Variants in MACROD2 observed in about 807,000 individuals in gnomAD.
The protein encoded by MACROD2 is mono-ADP ribosylhydrolase 2, also known as ADP-ribose glycohydrolase MACROD2.
A neutral mutation model predicts 70.4 loss-of-function variants in MACROD2; 36 were observed. The ratio of observed to expected loss-of-function variants is 0.51; its 90% confidence interval spans 0.39 to 0.68. MACROD2 has a LOEUF of 0.68. Among genes scored for constraint, MACROD2 ranks in the 30% least tolerant of loss-of-function variants. MACROD2 has a pLI of 0.00. For synonymous variants in MACROD2, 172 were observed against 178.8 expected, an observed-to-expected ratio of 0.96 and a Z score of 0.30; for missense variants, 496 against 538.4, an observed-to-expected ratio of 0.92 and a Z score of 0.78.
intron 5 of MACROD2, among the ~76,000 whole-genome samples, chr20:14,888,867 A>G (rs151260836): frequency 8.7e-4 from 133 of 152,292 alleles, no homozygotes; most frequent in Middle Eastern, 3.4e-3. Flanking sequence ...TCTTTCCAGT[A>G]TCATAACATT....
intron 4 of MACROD2, among the ~76,000 whole-genome samples, chr20:14,511,170 G>A (rs2085025317): frequency 6.6e-6 from 1 of 152,104 alleles, no homozygotes; most frequent in African/African-American, 2.4e-5. Flanking sequence ...GGATAGTGAT[G>A]AAGACAAGTG....
intron 3 of MACROD2, among the ~76,000 whole-genome samples, chr20:14,435,004 T>C (rs1336932413): frequency 1.3e-5 from 2 of 152,152 alleles, no homozygotes; most frequent in Non-Finnish European, 1.5e-5. Context: ...ATAACTGTAT[T>C]ACTTTCCTAG....
chr20:14,244,880 G>A, intron 3 of MACROD2, among the ~76,000 whole-genome samples: 1 of 152,190 alleles, frequency 6.6e-6, no homozygotes, highest in East Asian at 1.9e-4. Context: ...AAGTGTTAAT[G>A]TAATATTCTT....
intron 3 of MACROD2, among the ~76,000 whole-genome samples, chr20:14,313,010 G>T (rs2082580373): frequency 6.6e-6 from 1 of 152,140 alleles, no homozygotes; most frequent in Non-Finnish European, 1.5e-5. Flanking sequence ...ACACTTCATT[G>T]TCTACATTTA....
intron 8 of MACROD2, among the ~76,000 whole-genome samples, chr20:15,713,382 A>G (rs2050656620): frequency 6.6e-6 from 1 of 152,214 alleles, no homozygotes; most frequent in Admixed American, 6.5e-5. Flanking sequence ...GATGTAAAGA[A>G]GTAGCTGAGA....
At chr20:14,249,554 A>G (rs1175208753) in intron 3 of MACROD2, among the ~76,000 whole-genome samples, 1 of 152,126 alleles carries the variant, frequency 6.6e-6, no homozygotes, top group Admixed American at 6.6e-5. Flanking sequence ...CTATGTCTCC[A>G]GCATCAAAAT....
rs186968103 is a variant in MACROD2, at chr20:14,811,812, C to T, written c.418+126853C>T. Among the ~76,000 whole-genome samples, 15 of 152,074 alleles carry T rather than the reference C, an allele frequency of 9.9e-5. No homozygotes were observed. In the East Asian group the frequency reaches 1.7e-3, roughly 18 times the overall value. On this transcript the variant is annotated intron_variant, in intron 5 of 17. Transcript: ENST00000684519. ...CAAAAGAAGACATTTGTGTGGCCAA[C>T]GAGCATATGAAAAAAAGCTCATCAT...
chr20:14,658,388 G>A (rs907534880), intron 4 of MACROD2, among the ~76,000 whole-genome samples: 1 of 152,118 alleles, frequency 6.6e-6, no homozygotes, highest in African/African-American at 2.4e-5. Context: ...ACCAGGAATG[G>A]AAGAAGAAGA....
At chr20:15,074,212 T>C (rs2075640504) in intron 5 of MACROD2, among the ~76,000 whole-genome samples, 2 of 152,046 alleles carry the variant, frequency 1.3e-5, no homozygotes, top group South Asian at 4.2e-4. Flanking sequence ...GAAGGCATGA[T>C]TAGAGGGTTG....
chr20:14,592,789 T>C (rs1442962970), intron 4 of MACROD2, among the ~76,000 whole-genome samples: 1 of 152,226 alleles, frequency 6.6e-6, no homozygotes, highest in African/African-American at 2.4e-5. Context: ...AAAGAAAATA[T>C]TTCATTTTAT....
At chr20:15,957,499 A>G (rs1223651471) in intron 12 of MACROD2, among the ~76,000 whole-genome samples, 1 of 152,120 alleles carries the variant, frequency 6.6e-6, no homozygotes, top group Non-Finnish European at 1.5e-5. Flanking sequence ...ATGCTCTCTC[A>G]TGACCTCTGT....
At chr20:14,194,010 A>G (rs757661149) in intron 3 of MACROD2, among the ~76,000 whole-genome samples, 1 of 152,190 alleles carries the variant, frequency 6.6e-6, no homozygotes, top group Non-Finnish European at 1.5e-5. Context: ...CCTTTCACAC[A>G]GCGCAGATTA....
chr20:15,603,698 G>A (rs773852800), intron 8 of MACROD2, among the ~76,000 whole-genome samples: 6 of 151,886 alleles, frequency 4.0e-5, no homozygotes, highest in Non-Finnish European at 7.4e-5. Context: ...AGTATTGCAG[G>A]AAAAATCACT....
At chr20:14,959,263 C>T (rs1426437806) in intron 5 of MACROD2, among the ~76,000 whole-genome samples, 9 of 152,104 alleles carry the variant, frequency 5.9e-5, no homozygotes, top group Non-Finnish European at 1.3e-4. Flanking sequence ...TCCTGAGTAG[C>T]TAGGATTACA....
intron 3 of MACROD2, among the ~76,000 whole-genome samples, chr20:14,204,007 C>T (rs558917147): frequency 6.6e-6 from 1 of 152,266 alleles, no homozygotes; most frequent in East Asian, 1.9e-4. Flanking sequence ...GCTATGGCAG[C>T]TTAACCCTTG....
chr20:14,017,985 C>T (rs2053017833), intron 2 of MACROD2, among the ~76,000 whole-genome samples: 1 of 152,032 alleles, frequency 6.6e-6, no homozygotes, highest in African/African-American at 2.4e-5. Context: ...AATTATAGGT[C>T]TATTGAAGTT....
chr20:15,699,647 G>A (rs566767801), intron 8 of MACROD2, among the ~76,000 whole-genome samples: 1 of 152,270 alleles, frequency 6.6e-6, no homozygotes, highest in South Asian at 2.1e-4. Context: ...GGGTGAGACG[G>A]GCCTGAAAAC....
At chr20:14,003,780 T>A (rs2052770254) in intron 2 of MACROD2, 3 of 353,604 alleles carry the variant, frequency 8.5e-6, no homozygotes, top group African/African-American at 4.5e-5. Context: ...GTACAAAGGT[T>A]AAAAAAAAAA....
At chr20:14,430,581 T>C (rs953170051) in intron 3 of MACROD2, among the ~76,000 whole-genome samples, 1 of 152,156 alleles carries the variant, frequency 6.6e-6, no homozygotes, top group South Asian at 2.1e-4. Context: ...GACGAACATA[T>C]TTAAGTGAGA....
Sources: gnomAD v4.1 joint callset for allele counts (sites outside exome capture counted in the v4.1 genomes callset) on GRCh38, gnomAD v4.1.1 for gene constraint, MANE v1.5 for transcripts, NCBI Gene and HGNC (gene_info 2026-07-23, HGNC 2026-07-21) for gene names.